The following CARMIL1 variants were observed in gnomAD, a reference collection of about 807,000 sequenced individuals.
The protein encoded by CARMIL1 is F-actin-uncapping protein LRRC16A.
In CARMIL1, 90 loss-of-function variants were observed where a neutral mutation model predicts 177.1. The ratio of observed to expected loss-of-function variants is 0.51; its 90% CI spans 0.43 to 0.61. The LOEUF (loss-of-function observed/expected upper bound fraction) is 0.61. CARMIL1 is among the 20% of genes least tolerant of loss of function. The probability of loss-of-function intolerance (pLI) is 0.00; values close to 1 mark genes in which losing one functional copy is unlikely to be tolerated. For synonymous variants in CARMIL1, 577 were observed against 606.2 expected (o/e 0.95, Z 0.71); for missense variants, 1,380 against 1,667.0 (o/e 0.83, Z 3.00).
chr6:25,326,602 T>C lies in CARMIL1; in HGVS notation c.138+41693T>C, dbSNP rs1474424910. On this transcript the variant is annotated intron_variant, in intron 2 of 36. Transcript: ENST00000329474. The surrounding 1 kb of genome is among the most constrained non-coding windows in gnomAD (Gnocchi z 4.2). ...GAAATGCATACTTCAAGTCTTATTATGGACTTGCTGATTCAGAACCTGGAG... is the reference window on the plus strand; with the variant it reads ...GAAATGCATACTTCAAGTCTTATTACGGACTTGCTGATTCAGAACCTGGAG... Among the ~76,000 whole-genome samples the C allele has an allele frequency of 6.6e-6, 1 of 152,176 alleles. No individual in the cohort carries two copies. Among genetic ancestry groups the C allele is most frequent in the African/African-American group, 2.4e-5 (1 of 41,442 alleles).
intron 2 of CARMIL1, among the ~76,000 whole-genome samples, chr6:25,347,398 C>G (rs1276482027): frequency 6.6e-6 from 1 of 152,184 alleles, no homozygotes; most frequent in Non-Finnish European, 1.5e-5. Flanking sequence ...AACTATAAAG[C>G]AAAGGACAGA....
intron 26 of CARMIL1, among the ~76,000 whole-genome samples, chr6:25,549,164 A>G (rs571348717): frequency 6.6e-6 from 1 of 152,242 alleles, no homozygotes; most frequent in Non-Finnish European, 1.5e-5. Flanking sequence ...TATTCACTTA[A>G]TACTACTCAC....
intron 5 of CARMIL1, among the ~76,000 whole-genome samples, chr6:25,436,653 G>A (rs986526840): frequency 2.6e-5 from 4 of 152,186 alleles, no homozygotes; most frequent in Admixed American, 6.5e-5. Flanking sequence ...TCCCTTCACA[G>A]CCCTTCGCAG....
At chr6:25,468,522 T>C (rs1338860399) in intron 9 of CARMIL1, among the ~76,000 whole-genome samples, 1 of 152,250 alleles carries the variant, frequency 6.6e-6, no homozygotes, top group African/African-American at 2.4e-5. Context: ...GGAGAGCCAC[T>C]GTATCCAGTT....
intron 2 of CARMIL1, among the ~76,000 whole-genome samples, chr6:25,325,885 T>G (rs1785043370): frequency 6.6e-6 from 1 of 152,140 alleles, no homozygotes; most frequent in Admixed American, 6.5e-5. Context: ...AGACTTTTTT[T>G]TTTGAGACAG....
chr6:25,333,774 C>T (rs1785932584), intron 2 of CARMIL1, among the ~76,000 whole-genome samples: 1 of 152,004 alleles, frequency 6.6e-6, no homozygotes, highest in South Asian at 2.1e-4. Context: ...GTGAGTTGTT[C>T]TTTATTTCTG....
chr6:25,480,100 T>G (rs34991172), intron 11 of CARMIL1, among the ~76,000 whole-genome samples: 5,564 of 152,228 alleles, frequency 0.037, 136 homozygotes, highest in Non-Finnish European at 0.064. Flanking sequence ...TGATTCCTTT[T>G]GGAAAATATT....
chr6:25,601,108 T>A (rs1287741990), intron 33 of CARMIL1, among the ~76,000 whole-genome samples: 2 of 152,230 alleles, frequency 1.3e-5, no homozygotes, highest in African/African-American at 4.8e-5. Flanking sequence ...ATTTTTGACT[T>A]GGTTGTCCTT....
chr6:25,543,942 A>G (rs1809162413), intron 26 of CARMIL1, among the ~76,000 whole-genome samples: 2 of 152,276 alleles, frequency 1.3e-5, no homozygotes, highest in East Asian at 3.9e-4. Context: ...CCTAAGTACC[A>G]TTAGTTATTT....
Position 25,554,117 on chromosome 6 carries a change from G to T in CARMIL1, c.2592+21G>T. ...AACTGGTGAGTGCTGTGCACATCTTGAGCAGGACCTCCTGTTTCAGCTCTG... is the reference window on the plus strand; with the variant it reads ...AACTGGTGAGTGCTGTGCACATCTTTAGCAGGACCTCCTGTTTCAGCTCTG... On this transcript the variant is annotated intron_variant, in intron 28 of 36. Transcript: ENST00000329474. This position sits in a 1 kb window ranked among gnomAD's most constrained non-coding sequence, Gnocchi z 4.6. The T allele has an allele frequency of 6.5e-7, 1 of 1,531,776 alleles. No homozygotes were observed. The highest frequency in any genetic ancestry group is 1.2e-5 in the South Asian group (1 of 84,540). The allele number at this position is 1,531,776 out of a possible 1,614,324, so 94.9% of individuals were successfully genotyped here. A position where few individuals can be genotyped will look rare whatever the true frequency, so the allele number is the denominator to read the frequency against.
At chr6:25,421,601 A>G (rs1473377851) in intron 3 of CARMIL1, among the ~76,000 whole-genome samples, 4 of 151,838 alleles carry the variant, frequency 2.6e-5, no homozygotes, top group African/African-American at 9.7e-5. Context: ...ACTATTCACA[A>G]TAGCAAAGAC....
At chr6:25,420,186 C>T in intron 3 of CARMIL1, 22 bp downstream of exon 3, 1 of 1,611,292 alleles carries the variant, frequency 6.2e-7, no homozygotes, top group Non-Finnish European at 8.5e-7. Flanking sequence ...TGAAGTCCTT[C>T]CTTCTGCACT....
chr6:25,350,432 G>C (rs1436802480), intron 2 of CARMIL1, among the ~76,000 whole-genome samples: 1 of 152,106 alleles, frequency 6.6e-6, no homozygotes, highest in Admixed American at 6.5e-5. Flanking sequence ...CAGCACTGGG[G>C]CCACCGTCTC....
rs1047348335 is a variant in CARMIL1 at position 25,452,536 on chromosome 6, T to C, written c.614+1825T>C. 8.7e-5 allele frequency: 19 copies of C among 219,544 alleles called. No individual in the cohort carries two copies. The East Asian group carries it at 1.8e-3, about 21-fold the overall frequency. The allele number at this position is 219,544 out of a possible 1,614,324, so 13.6% of individuals were successfully genotyped here. On this transcript the variant is annotated intron_variant, in intron 8 of 36. Coordinates refer to ENST00000329474, the MANE Select transcript of CARMIL1 (RefSeq NM_017640.6). ...TATTTACAATATTATAAATTAAAAC[T>C]AAAATTTGAAATATTTATTAATTAA...
chr6:25,454,253 CT>C (rs369821157), intron 8 of CARMIL1, among the ~76,000 whole-genome samples: 2,172 of 151,770 alleles, frequency 0.014, 18 homozygotes, highest in South Asian at 0.031. Flanking sequence ...ATTTGGAAAA[CT>C]TTTTTTTTGT....
chr6:25,472,492 A>T lies in CARMIL1; in HGVS notation c.845A>T (p.Asn282Ile). Residue 282 changes from asparagine (N) to isoleucine (I), a missense_variant, in exon 11 of 37, where the codon AAC becomes ATC. Coordinates refer to ENST00000329474, the MANE Select transcript of CARMIL1 (RefSeq NM_017640.6). ...CCCAACTCAGGACTCCACACAATTA[A>T]CCTTGCTGGCAACCCACTGGAGGAT... ...HNPNSGLHTI[N>I]LAGNPLEDRG... is the part of the protein sequence containing the mutation. 2 of 1,581,198 alleles carry T rather than the reference A, an allele frequency of 1.3e-6. No homozygotes were observed. Among genetic ancestry groups the T allele is most frequent in the Non-Finnish European group, 1.7e-6 (2 of 1,162,752 alleles).
At chr6:25,441,337 A>ATATATGTGTGTG in intron 5 of CARMIL1, among the ~76,000 whole-genome samples, 3,614 of 94,422 alleles carry the variant, frequency 0.038, 104 homozygotes, top group Non-Finnish European at 0.056. Flanking sequence ...ATATATATAT[A>ATATATGTGTGTG]TGTGTGTGTG....
chr6:25,466,554 A>G (rs1358101539), intron 9 of CARMIL1, among the ~76,000 whole-genome samples: 1 of 152,242 alleles, frequency 6.6e-6, no homozygotes, highest in Non-Finnish European at 1.5e-5. Context: ...ACAGATGCTT[A>G]TACATAAATT....
chr6:25,601,667 A>C (rs1227709029), intron 33 of CARMIL1, among the ~76,000 whole-genome samples: 1 of 152,242 alleles, frequency 6.6e-6, no homozygotes. Flanking sequence ...ATATTTGACC[A>C]TTGATATATA....
Sources: gnomAD v4.1 joint callset for allele counts (sites outside exome capture counted in the v4.1 genomes callset) on GRCh38, gnomAD v4.1.1 for gene constraint, Gnocchi (gnomAD v3.1) non-coding constraint, MANE v1.5 for transcripts, NCBI Gene and HGNC (gene_info 2026-07-23, HGNC 2026-07-21) for gene names.